Variants in HRH1 observed in about 807,000 individuals in gnomAD.
HRH1 encodes histamine H1 receptor.
HRH1 carries 6 observed loss-of-function variants against 10.3 expected under a neutral mutation model. That is an observed-to-expected ratio of 0.58 (90% CI 0.32 to 1.15). The LOEUF is 1.15. Ranked by LOEUF, HRH1 falls within the 50% of genes most tolerant of loss-of-function variation. The pLI, the probability that HRH1 is intolerant of heterozygous loss-of-function variation, is 0.05. For missense variants in HRH1, 514 were observed against 615.3 expected (o/e 0.84, Z 1.74); for synonymous variants, 242 against 236.7 (o/e 1.02, Z -0.21).
At chr3:11,228,014 T>A (rs1429756385) in intron 1 of HRH1, among the ~76,000 whole-genome samples, 1 of 152,216 alleles carries the variant, frequency 6.6e-6, no homozygotes, top group East Asian at 1.9e-4. Context: ...TGGTACCACA[T>A]TATTGTTTAA....
At chr3:11,154,472 G>T (rs1559254234), upstream of HRH1, 1 of 32,880 alleles carries the variant, frequency 3.0e-5, no homozygotes, top group East Asian at 1.2e-3. This position sits in a 1 kb window ranked among gnomAD's most constrained non-coding sequence, Gnocchi z 4.4. Context: ...GCTCCCCGGC[G>T]CCCCCGCCGC....
chr3:11,248,826 G>C (rs980672718), intron 1 of HRH1, among the ~76,000 whole-genome samples: 2 of 152,212 alleles, frequency 1.3e-5, no homozygotes, highest in African/African-American at 4.8e-5. Context: ...ACACCAGGCT[G>C]TGGGGTTCTG....
chr3:11,233,599 G>A (rs1939099212), intron 1 of HRH1, among the ~76,000 whole-genome samples: 1 of 152,146 alleles, frequency 6.6e-6, no homozygotes, highest in Admixed American at 6.6e-5. Flanking sequence ...AGAATAACAA[G>A]GAACAGCCAA....
At chr3:11,251,232 C>G (rs900720847) in intron 1 of HRH1, among the ~76,000 whole-genome samples, 8 of 152,152 alleles carry the variant, frequency 5.3e-5, no homozygotes, top group African/African-American at 1.9e-4. Context: ...AGGAAAGATT[C>G]TTCTAGTGAC....
rs1936746104 is a variant in HRH1, at chr3:11,154,823, T to C, written c.-36+269T>C. Among the ~76,000 whole-genome samples, 3 of 152,022 alleles carry C rather than the reference T, an allele frequency of 2.0e-5. No individual in the cohort carries two copies. Among genetic ancestry groups the C allele is most frequent in the African/African-American group, 7.2e-5 (3 of 41,414 alleles). On this transcript the variant is annotated intron_variant, in intron 1 of 1. Transcript: ENST00000431010. The surrounding 1 kb of genome is among the most constrained non-coding windows in gnomAD (Gnocchi z 4.4). ...CAGACACCTTTAGCTTCCCCGGGCT[T>C]GGGCAGGGTGCGCGCCCTGAGCGTC...
intron 1 of HRH1, among the ~76,000 whole-genome samples, chr3:11,228,682 C>T (rs1202322462): frequency 6.6e-6 from 1 of 151,916 alleles, no homozygotes; most frequent in Non-Finnish European, 1.5e-5. Flanking sequence ...TTTGGGAGGC[C>T]GAGATGGGTG....
rs548048207 is a variant in HRH1, at chr3:11,219,958, T to G, written c.-35-39045T>G. ...TGGTAACTTAATGTGTTGTTTTTTT[T>G]TTTTTTTTTTTTACAATAAATTTTT... On this transcript the variant is annotated intron_variant, in intron 1 of 1. Coordinates refer to ENST00000431010, the MANE Select transcript of HRH1 (RefSeq NM_001098212.2). 3.3e-3 allele frequency among the ~76,000 whole-genome samples: 497 copies of G among 150,726 alleles called. 6 individuals carry two copies. The highest frequency in any genetic ancestry group is 0.02 in the East Asian group (105 of 5,152).
chr3:11,239,373 T>C (rs536958162), intron 1 of HRH1, among the ~76,000 whole-genome samples: 5 of 152,358 alleles, frequency 3.3e-5, no homozygotes, highest in African/African-American at 1.2e-4. Context: ...TATCTTCTTA[T>C]GATTGAGTTG....
At chr3:11,228,261 G>A (rs1156717548) in intron 1 of HRH1, among the ~76,000 whole-genome samples, 2 of 152,186 alleles carry the variant, frequency 1.3e-5, no homozygotes, top group African/African-American at 4.8e-5. Context: ...GCTCGTGCCT[G>A]TAATCCTAGT....
chr3:11,260,259 A>T lies in HRH1; in HGVS notation c.1222A>T (p.Asn408Tyr). ...SRQYVSGLHM[N>Y]RERKAAKQLG... ...ACAGTATGTATCTGGGTTGCACATG[A>T]ACCGCGAAAGGAAGGCCGCCAAACA... The change falls in exon 2 of 2, where the codon AAC becomes TAC. Residue 408 changes from asparagine (N) to tyrosine (Y), a missense_variant. Physicochemically the swap from Asn to Tyr is moderately radical, Grantham distance 143. Transcript: ENST00000431010. The T allele has an allele frequency of 6.2e-7, 1 of 1,613,848 alleles. No individual in the cohort carries two copies. Among genetic ancestry groups the T allele is most frequent in the Non-Finnish European group, 8.5e-7 (1 of 1,179,714 alleles).
chr3:11,161,174 AG>A (rs1936915124), intron 1 of HRH1, among the ~76,000 whole-genome samples: 1 of 152,220 alleles, frequency 6.6e-6, no homozygotes, highest in Non-Finnish European at 1.5e-5. Flanking sequence ...GATGTGGTTC[AG>A]GGGCACAGAG....
At chr3:11,162,790 G>A (rs1936951728) in intron 1 of HRH1, among the ~76,000 whole-genome samples, 1 of 152,190 alleles carries the variant, frequency 6.6e-6, no homozygotes, top group African/African-American at 2.4e-5. Context: ...GAGGCTGAAT[G>A]AGCTGTTACT....
chr3:11,185,421 G>A (rs1398707637), intron 1 of HRH1, among the ~76,000 whole-genome samples: 1 of 152,120 alleles, frequency 6.6e-6, no homozygotes, highest in Non-Finnish European at 1.5e-5. Flanking sequence ...ATTAAATGTG[G>A]CACTGCAGGG....
chr3:11,198,675 TAC>T (rs1489756655), intron 1 of HRH1, among the ~76,000 whole-genome samples: 1 of 149,176 alleles, frequency 6.7e-6, no homozygotes, highest in Non-Finnish European at 1.5e-5. Context: ...AGTTCGAGGT[TAC>T]AGTGAGCTAT....
intron 1 of HRH1, among the ~76,000 whole-genome samples, chr3:11,231,924 C>G (rs1939052467): frequency 6.6e-6 from 1 of 151,238 alleles, no homozygotes; most frequent in South Asian, 2.1e-4. Context: ...AAGATTTCCT[C>G]TAATGTGTTT....
chr3:11,172,704 C>CTT (rs537415650), intron 1 of HRH1, among the ~76,000 whole-genome samples: 13 of 130,926 alleles, frequency 9.9e-5, no homozygotes, highest in African/African-American at 3.0e-4. Flanking sequence ...TTTGGCGAAT[C>CTT]TTTTTTTTTT....
At chr3:11,209,054 C>T (rs1020345341) in intron 1 of HRH1, among the ~76,000 whole-genome samples, 1 of 152,162 alleles carries the variant, frequency 6.6e-6, no homozygotes, top group African/African-American at 2.4e-5. Flanking sequence ...ACAGCCCAAT[C>T]AAGAAATACT....
At chr3:11,200,971 G>A (rs1937881844) in intron 1 of HRH1, among the ~76,000 whole-genome samples, 1 of 152,228 alleles carries the variant, frequency 6.6e-6, no homozygotes, top group Admixed American at 6.5e-5. Flanking sequence ...TGAGGGTCTA[G>A]AGTAGAATTC....
chr3:11,256,797 C>CTAAA (rs1055002051), intron 1 of HRH1, among the ~76,000 whole-genome samples: 7 of 152,090 alleles, frequency 4.6e-5, no homozygotes, highest in South Asian at 2.1e-4. Context: ...GACTCCGTCT[C>CTAAA]TAAATAAATA....
Sources: gnomAD v4.1 joint callset for allele counts (sites outside exome capture counted in the v4.1 genomes callset) on GRCh38, gnomAD v4.1.1 for gene constraint, Gnocchi (gnomAD v3.1) non-coding constraint, MANE v1.5 for transcripts, NCBI Gene and HGNC (gene_info 2026-07-23, HGNC 2026-07-21) for gene names.